TBC1D14: variants seen among roughly 807,000 people sequenced by gnomAD.
TBC1D14 encodes the protein TBC1 domain family, member 14.
A neutral mutation model predicts 79.0 loss-of-function variants in TBC1D14; 26 were observed. That is an observed-to-expected ratio of 0.33 (90% confidence interval 0.24 to 0.46). The LOEUF is 0.46. Ranked by LOEUF, TBC1D14 falls within the 20% of genes least tolerant of loss-of-function variation. TBC1D14 has a pLI of 1.00. For synonymous variants in TBC1D14, 394 were observed against 349.9 expected, an observed-to-expected ratio of 1.13 and a Z score of -1.40; for missense variants, 769 against 887.6, an observed-to-expected ratio of 0.87 and a Z score of 1.70.
chr4:7,029,987 G>A (rs528928151), intron 13 of TBC1D14, among the ~76,000 whole-genome samples: 17 of 152,278 alleles, frequency 1.1e-4, no homozygotes, highest in African/African-American at 3.1e-4. Flanking sequence ...GGAGTGCAGC[G>A]GGATGGGCAC....
intron 2 of TBC1D14, among the ~76,000 whole-genome samples, chr4:6,956,574 G>GAGGA (rs1422485137): frequency 6.6e-6 from 1 of 152,192 alleles, no homozygotes; most frequent in African/African-American, 2.4e-5. Flanking sequence ...CTGGCCCTAG[G>GAGGA]AGGAAGGTGG....
intron 2 of TBC1D14, among the ~76,000 whole-genome samples, chr4:6,957,908 T>A (rs1268308622): frequency 4.7e-5 from 7 of 149,190 alleles, no homozygotes; most frequent in Admixed American, 1.3e-4. Flanking sequence ...CAGGAAAAAA[T>A]AAATAAATAA....
chr4:7,012,738 A>G (rs1434739487), intron 11 of TBC1D14, among the ~76,000 whole-genome samples: 2 of 152,226 alleles, frequency 1.3e-5, no homozygotes, highest in East Asian at 1.9e-4. Flanking sequence ...AGTTTTTTGA[A>G]TGATGGATTA....
intron 12 of TBC1D14, among the ~76,000 whole-genome samples, chr4:7,018,534 T>G (rs1721502161): frequency 6.6e-6 from 1 of 152,232 alleles, no homozygotes; most frequent in Admixed American, 6.5e-5. Context: ...CCTGGCCCCA[T>G]GCCTGGCTCA....
chr4:7,000,908 T>TGG (rs1719609036), intron 6 of TBC1D14, among the ~76,000 whole-genome samples: 1 of 152,212 alleles, frequency 6.6e-6, no homozygotes, highest in South Asian at 2.1e-4. Flanking sequence ...CCTGGGCCTC[T>TGG]GGTTCGTGGT....
Position 6,954,404 on chromosome 4 carries a change from T to C in TBC1D14, c.723-12900T>C, listed in dbSNP as rs555335042. On this transcript the variant is annotated intron_variant, in intron 2 of 13. Transcript: ENST00000409757. ...GAGACTTAACTGGAAGCAGAGTCTT[T>C]CCTGCGTGTAGCTTTGACAGCATGT... 5.0e-5 allele frequency: 36 copies of C among 717,428 alleles called. No homozygotes were observed. In the African/African-American group the frequency reaches 5.2e-4, roughly 10 times the overall value. The allele number at this position is 717,428 out of a possible 1,614,324, so 44.4% of individuals were successfully genotyped here.
intron 2 of TBC1D14, among the ~76,000 whole-genome samples, chr4:6,946,492 G>T (rs139947546): frequency 0.013 from 1,935 of 152,108 alleles, 17 homozygotes; most frequent in Non-Finnish European, 0.021. Flanking sequence ...GCTAATTTTT[G>T]TATTATTTTT....
At chr4:6,911,461 C>T (rs145932044) in intron 1 of TBC1D14, among the ~76,000 whole-genome samples, 23 of 152,352 alleles carry the variant, frequency 1.5e-4, no homozygotes, top group African/African-American at 5.3e-4. Context: ...CAGCACTTTG[C>T]ACCGAGCTGG....
chr4:6,986,604 G>A (rs2109116638), intron 3 of TBC1D14, among the ~76,000 whole-genome samples: 1 of 152,300 alleles, frequency 6.6e-6, no homozygotes, highest in East Asian at 1.9e-4. Flanking sequence ...TCGTGTTGTC[G>A]CAGACCGGAC....
At chr4:6,966,208 C>T (rs576376937) in intron 2 of TBC1D14, among the ~76,000 whole-genome samples, 1 of 152,352 alleles carries the variant, frequency 6.6e-6, no homozygotes, top group African/African-American at 2.4e-5. Flanking sequence ...TTCTTTTAGA[C>T]ACGTCCCAGT....
chr4:6,996,438 C>T (rs947072436), intron 5 of TBC1D14, 31 bp downstream of exon 5: 1 of 1,504,494 alleles, frequency 6.6e-7, no homozygotes, highest in Non-Finnish European at 9.2e-7. Context: ...TGGGTTAAAT[C>T]AGGCAGCACA....
Position 7,030,373 on chromosome 4 carries a change from G to A in TBC1D14, c.2063G>A (p.Ser688Asn). Residue 688 changes from serine to asparagine, a missense_variant, in exon 14 of 14, where the codon AGT becomes AAT. Physicochemically the swap from Ser to Asn is conservative, Grantham distance 46. This residue lies in a region of TBC1D14 where 367 missense variants were observed against 494.4 expected (regional missense o/e 0.74). Transcript: ENST00000409757. ...GACAGCCGGGAAATGGAGAAGGGAA[G>A]TCCGTCCCTCCGACACTGAGGCTGC... ...QKDSREMEKG[S>N]PSLRH The A allele has an allele frequency of 6.2e-7, 1 of 1,614,102 alleles. No homozygotes were observed.
At chr4:6,948,556 C>T (rs1473112677) in intron 2 of TBC1D14, among the ~76,000 whole-genome samples, 6 of 148,220 alleles carry the variant, frequency 4.0e-5, no homozygotes, top group African/African-American at 1.0e-4. Context: ...ATGTCACTGG[C>T]GTGTGCGTGC....
chr4:6,953,190 AATTTTTGT>A (rs1265407074), intron 2 of TBC1D14, among the ~76,000 whole-genome samples: 3 of 149,826 alleles, frequency 2.0e-5, no homozygotes, highest in Non-Finnish European at 4.5e-5. Flanking sequence ...ATGCCCAGCT[AATTTTTGT>A]ATTTTTAGTA....
rs145200625 is a variant in TBC1D14, at chr4:6,923,515, C to T, written c.126C>T (p.Ser42=). ...HVNLKAPRLL[S]APEYGPKLKL... ...ATCTCAAGGCGCCCCGACTCCTCTCCGCGCCTGAGTACGGGCCCAAGCTGA... is the reference window on the plus strand; with the variant it reads ...ATCTCAAGGCGCCCCGACTCCTCTCTGCGCCTGAGTACGGGCCCAAGCTGA... The change falls in exon 2 of 14, where the codon TCC becomes TCT. Residue 42 remains serine (S), a synonymous_variant. Transcript: ENST00000409757. The T allele has an allele frequency of 2.2e-5, 36 of 1,614,186 alleles. No homozygotes were observed. Among genetic ancestry groups the T allele is most frequent in the African/African-American group, 8.0e-5 (6 of 75,056 alleles).
chr4:6,924,258 GAATCCT>G (rs71646666), intron 2 of TBC1D14, 147 bp downstream of exon 2: 6 of 1,143,814 alleles, frequency 5.2e-6, no homozygotes, highest in South Asian at 5.0e-5. Flanking sequence ...CAGAAGCCCG[GAATCCT>G]GTGGGATTGT....
Position 7,025,152 on chromosome 4 carries a change from A to G in TBC1D14, c.1906A>G (p.Ile636Val), listed in dbSNP as rs765904441. The change falls in exon 13 of 14, where the codon ATT (isoleucine) becomes GTT (valine). Residue 636 changes from isoleucine (I) to valine (V), a missense_variant. By Grantham distance (29) the Ile-to-Val change is conservative (BLOSUM62 3). Transcript: ENST00000409757. The part of the protein sequence containing the change: ...FEDILTKMDF[I>V]HMAQFLTRLP... ...GGACATCCTGACCAAGATGGACTTC[A>G]TTCACATGGCCCAGTTCCTGACCCG... is the stretch of plus-strand genomic sequence containing the variant. The G allele has an allele frequency of 6.2e-7, 1 of 1,614,202 alleles. No individual in the cohort carries two copies.
At chr4:6,995,576 G>A (rs1252354079) in intron 4 of TBC1D14, 7 of 151,066 alleles carry the variant, frequency 4.6e-5, no homozygotes, top group South Asian at 2.1e-4. Flanking sequence ...ACAGTGGCGC[G>A]ATCTTGGCTC....
At chr4:6,956,717 A>T (rs1714675189) in intron 2 of TBC1D14, among the ~76,000 whole-genome samples, 1 of 152,204 alleles carries the variant, frequency 6.6e-6, no homozygotes, top group Non-Finnish European at 1.5e-5. Flanking sequence ...CTCACTTCTC[A>T]GCCAATGCAG....
Sources: allele counts gnomAD v4.1 joint callset (sites outside exome capture counted in the v4.1 genomes callset), GRCh38; gene constraint gnomAD v4.1.1; regional missense constraint gnomAD v4.1.1; transcripts MANE v1.5; gene names NCBI Gene and HGNC (gene_info 2026-07-23, HGNC 2026-07-21).